The following ALOX12 variants were observed in gnomAD, a reference collection of about 807,000 sequenced individuals.
ALOX12 encodes polyunsaturated fatty acid lipoxygenase ALOX12.
ALOX12 carries 62 observed loss-of-function variants against 85.5 expected under a neutral mutation model. The ratio of observed to expected loss-of-function variants is 0.73; its 90% CI spans 0.59 to 0.90. The LOEUF (loss-of-function observed/expected upper bound fraction) is 0.90. Among genes scored for constraint, ALOX12 ranks in the 40% least tolerant of loss-of-function variants. ALOX12 has a pLI of 0.00. For missense variants in ALOX12, 751 were observed against 856.5 expected (o/e 0.88, Z 1.54); for synonymous variants, 299 against 332.7 (o/e 0.90, Z 1.10).
chr17:6,997,113 A>C (rs1472362276), intron 2 of ALOX12, 86 bp downstream of exon 2: 2 of 1,460,126 alleles, frequency 1.4e-6, no homozygotes, highest in African/African-American at 2.8e-5. Context: ...CGGTCGGAGC[A>C]GACTTAGAGG....
Position 7,010,285 on chromosome 17 carries a change from C to T in ALOX12, c.1854C>T (p.Pro618=), listed in dbSNP as rs745458827. ...GHHKEKYFSG[P]KPKAVLNQFR... ...ACAAAGAAAAATATTTCTCAGGCCC[C>T]AAGCCCAAAGCTGTGCTAAACCAAT... The change falls in exon 14 of 14, where the codon CCC becomes CCT. Residue 618 remains proline (P), a synonymous_variant. Transcript: ENST00000251535. The T allele has an allele frequency of 6.2e-7, 1 of 1,614,164 alleles. No homozygotes were observed. The highest frequency in any genetic ancestry group is 1.1e-5 in the South Asian group (1 of 91,078).
intron 11 of ALOX12, among the ~76,000 whole-genome samples, chr17:7,008,655 A>T (rs1327446702): frequency 2.6e-5 from 4 of 151,956 alleles, no homozygotes; most frequent in Admixed American, 1.3e-4. Context: ...CTGAGGCAGG[A>T]GAATCACTTG....
chr17:6,998,842 G>C lies in ALOX12; in HGVS notation c.542+5G>C. On this transcript the variant is annotated splice_donor_5th_base_variant and intron_variant, in intron 4 of 13. Transcript: ENST00000251535. Reference sequence around the variant, plus strand: ...TGAATGGACACTGAAGGCAGGGTGAGAAAAAGGCTAGACCTCGGAGTGAAA... The same window carrying C: ...TGAATGGACACTGAAGGCAGGGTGACAAAAAGGCTAGACCTCGGAGTGAAA... 3 of 1,614,100 alleles carry C rather than the reference G, an allele frequency of 1.9e-6. No homozygotes were observed. The highest frequency in any genetic ancestry group is 2.5e-6 in the Non-Finnish European group (3 of 1,179,996).
At chr17:6,999,239 G>C in intron 5 of ALOX12, 67 bp from the exon 6 acceptor site, 2 of 1,601,760 alleles carry the variant, frequency 1.2e-6, no homozygotes, top group South Asian at 2.2e-5. Flanking sequence ...TGAACCCCTG[G>C]GGTAGATTTT....
chr17:6,996,681 A>G, intron 1 of ALOX12, 145 bp from the exon 2 acceptor site: 1 of 1,030,726 alleles, frequency 9.7e-7, no homozygotes, highest in African/African-American at 1.6e-5. Flanking sequence ...AGACCCAAAG[A>G]GCAGGTTGTG....
In ALOX12 at chr17:6,999,334, T is replaced by C. The variant is rs1258483867; in HGVS notation, c.675T>C (p.Asp225=). 1.9e-6 allele frequency: 3 copies of C among 1,612,840 alleles called. No homozygotes were observed. Among genetic ancestry groups the C allele is most frequent in the Non-Finnish European group, 2.5e-6 (3 of 1,178,790 alleles). Residue 225 remains aspartate, a synonymous_variant, in exon 6 of 14, where the codon GAT becomes GAC. Transcript: ENST00000251535. ...AEKVRQCWQD[D]ELFSYQFLNG... ...AGGTTCGCCAGTGCTGGCAGGATGA[T>C]GAGTTGTTCAGCTACCAGTTCCTCA...
chr17:6,997,130 G>A (rs1487132369), intron 2 of ALOX12, 103 bp downstream of exon 2: 20 of 1,432,452 alleles, frequency 1.4e-5, no homozygotes, highest in Non-Finnish European at 1.7e-5. Context: ...GAGGATGTAT[G>A]GGCCCAGGGC....
rs758721831 is a variant in ALOX12 at position 7,000,390 on chromosome 17, G to A, written c.862G>A (p.Val288Met). ...FILLDGIPAN[V>M]IRGEKQYLAA... The stretch of plus-strand genomic sequence containing the variant: ...CCTTCTGGATGGAATTCCAGCCAAC[G>A]TGATCCGAGGAGAGAAGCAATACCT... The change falls in exon 7 of 14, where the codon GTG becomes ATG. Residue 288 changes from valine to methionine, a missense_variant. Transcript: ENST00000251535. The surrounding 1 kb of genome is among the most constrained non-coding windows in gnomAD (Gnocchi z 4.6). 12 of 1,614,044 alleles carry A rather than the reference G, an allele frequency of 7.4e-6. No individual in the cohort carries two copies. The highest frequency in any genetic ancestry group is 1.7e-5 in the Admixed American group (1 of 59,998).
intron 8 of ALOX12, chr17:7,002,247 G>A: frequency 3.0e-6 from 1 of 337,144 alleles, no homozygotes; most frequent in South Asian, 2.3e-5. Flanking sequence ...CAGCTAAGTA[G>A]AAACAGACCA....
rs75330641 is a variant in ALOX12, at chr17:6,998,391, A to G, written c.338-118A>G. 129 of 696,134 alleles carry G rather than the reference A, an allele frequency of 1.9e-4. 2 individuals are homozygous for G. In the East Asian group the frequency reaches 2.6e-3, roughly 14 times the overall value. 43.1% of individuals were successfully genotyped at this position (696,134 alleles called of 1,614,324 possible). ...AATCAAATGAGGCAAAGCCAGAGAT[A>G]AAAGCAACAGTGCATGGCTGAAAAC... is the stretch of plus-strand genomic sequence containing the variant. On this transcript the variant is annotated intron_variant, in intron 2 of 13. Transcript: ENST00000251535.
intron 8 of ALOX12, among the ~76,000 whole-genome samples, chr17:7,004,270 T>C (rs980610608): frequency 7.0e-6 from 1 of 142,172 alleles, no homozygotes; most frequent in African/African-American, 2.5e-5. Context: ...TTAATTTAAC[T>C]TAATTTAATT....
Position 6,996,910 on chromosome 17 carries a change from G to A in ALOX12, c.220G>A (p.Asp74Asn). 6.2e-7 allele frequency: 1 copy of A among 1,613,472 alleles called. No individual in the cohort carries two copies. The highest frequency in any genetic ancestry group is 8.5e-7 in the Non-Finnish European group (1 of 1,179,690). ...RLRKHHWLVD[D>N]AWFCDRITVQ... ...GCGCAAGCACCACTGGCTGGTGGACGACGCGTGGTTCTGCGACCGCATCAC... is the reference window on the plus strand; with the variant it reads ...GCGCAAGCACCACTGGCTGGTGGACAACGCGTGGTTCTGCGACCGCATCAC... Residue 74 changes from aspartate (D) to asparagine (N), a missense_variant, in exon 2 of 14, where the codon GAC (aspartate) becomes AAC (asparagine). Transcript: ENST00000251535.
At chr17:7,003,981 C>G (rs1043856955) in intron 8 of ALOX12, among the ~76,000 whole-genome samples, 2 of 151,484 alleles carry the variant, frequency 1.3e-5, no homozygotes, top group Admixed American at 6.6e-5. Flanking sequence ...GGAAGACAAA[C>G]AGTCTAAGAT....
chr17:7,005,474 C>CT (rs35201122), intron 9 of ALOX12, 131 bp downstream of exon 9: 75,511 of 219,198 alleles, frequency 0.34, 14,892 homozygotes, highest in African/African-American at 0.59. Flanking sequence ...ATACCCATGT[C>CT]TTTTTTTTTT....
intron 1 of ALOX12, among the ~76,000 whole-genome samples, chr17:6,996,473 C>T (rs953057997): frequency 2.6e-5 from 4 of 152,118 alleles, no homozygotes; most frequent in South Asian, 2.1e-4. Context: ...CTTTCCCGCC[C>T]CTGGTCCCGG....
Position 7,009,950 on chromosome 17 carries a change from C to T in ALOX12, c.1642-6C>T, listed in dbSNP as rs777954525. On this transcript the variant is annotated splice_polypyrimidine_tract_variant and splice_region_variant and intron_variant, in intron 12 of 13. Transcript: ENST00000251535. Reference sequence around the variant, plus strand: ...AGGGTTCTAGGGTTACAGTTTCTTCCTCCAGCTGGACTGGTATGCCTGGGT... The same window carrying T: ...AGGGTTCTAGGGTTACAGTTTCTTCTTCCAGCTGGACTGGTATGCCTGGGT... 2 of 1,613,326 alleles carry T rather than the reference C, an allele frequency of 1.2e-6. No homozygotes were observed. Among genetic ancestry groups the T allele is most frequent in the Non-Finnish European group, 1.7e-6 (2 of 1,179,352 alleles).
At position 7,006,059 on chromosome 17, in the gene ALOX12, CCGGGG is replaced by C. The variant is rs1327560713; in HGVS notation, c.1418+33_1418+37del. The C allele has an allele frequency of 3.1e-4, 42 of 135,680 alleles. 8 individuals are homozygous for C. Among genetic ancestry groups the C allele is most frequent in the Non-Finnish European group, 3.6e-4 (38 of 104,574 alleles). 8.4% of individuals were successfully genotyped at this position (135,680 alleles called of 1,614,324 possible). ...AAGGAGGAGCTGAGAAATGGTGGGG[CCGGGG>C]GGGGGGGGGGCTCTGGCCTGAGGCC... On this transcript the variant is annotated intron_variant, in intron 10 of 13. Transcript: ENST00000251535.
rs1050936417 is a variant in ALOX12 at position 7,006,391 on chromosome 17, G to C, written c.1419-95G>C. ...GTCCCAAAGGCGAGGTGTCTTCCCA[G>C]ATACTGTGGAAGCATTGGGCAGATG... On this transcript the variant is annotated intron_variant, in intron 10 of 13. Coordinates refer to ENST00000251535, the MANE Select transcript of ALOX12 (RefSeq NM_000697.3). 20 of 1,575,490 alleles carry C rather than the reference G, an allele frequency of 1.3e-5. No homozygotes were observed. The African/African-American group carries it at 2.6e-4, about 20-fold the overall frequency.
In ALOX12 at chr17:7,005,463, T is replaced by C; in HGVS notation, c.1248+120T>C. The C allele has an allele frequency of 1.6e-5, 12 of 772,246 alleles. No homozygotes were observed. The South Asian group carries it at 1.6e-4, about 10-fold the overall frequency. The allele number at this position is 772,246 out of a possible 1,614,324, so 47.8% of individuals were successfully genotyped here. On this transcript the variant is annotated intron_variant, in intron 9 of 13. Transcript: ENST00000251535. ...TCTTAACCTATGAACCTGTCCCTTT[T>C]ATACCCATGTCTTTTTTTTTTTTTT...
Sources: gnomAD v4.1 joint callset for allele counts (sites outside exome capture counted in the v4.1 genomes callset) on GRCh38, gnomAD v4.1.1 for gene constraint, Gnocchi (gnomAD v3.1) non-coding constraint, MANE v1.5 for transcripts, NCBI Gene and HGNC (gene_info 2026-07-23, HGNC 2026-07-21) for gene names.